PCM1: variants seen among roughly 807,000 people sequenced by gnomAD.
The protein encoded by PCM1 is pericentriolar material 1 protein.
A neutral mutation model predicts 241.9 loss-of-function variants in PCM1; 157 were observed. The observed-to-expected ratio is 0.65, with a 90% CI of 0.57 to 0.74. The LOEUF (loss-of-function observed/expected upper bound fraction) is 0.74. Ranked by LOEUF, PCM1 falls within the 30% of genes least tolerant of loss-of-function variation. The pLI is 0.00. For missense variants in PCM1, 3,478 were observed against 2,360.1 expected (o/e 1.47, Z -9.81); for synonymous variants, 1,085 against 784.9 (o/e 1.38, Z -6.39).
rs140132259 is a variant in PCM1, at chr8:18,004,531, T to A, written c.4828-1732T>A. 5.4e-3 allele frequency among the ~76,000 whole-genome samples: 830 copies of A among 152,334 alleles called. 7 individuals carry two copies. The highest frequency in any genetic ancestry group is 0.019 in the African/African-American group (772 of 41,586). ...TTTCATGAGGAAATGAAATAATAAA[T>A]ACTAATTTAGCATTTCAAAAAGTGT... On this transcript the variant is annotated intron_variant, in intron 29 of 38. Transcript: ENST00000325083.
intron 21 of PCM1, among the ~76,000 whole-genome samples, chr8:17,967,656 A>G (rs549600921): frequency 6.6e-5 from 10 of 152,364 alleles, no homozygotes; most frequent in Admixed American, 5.9e-4. Flanking sequence ...TGCTAATGAA[A>G]TTAAGTAAAC....
At chr8:18,013,867 A>C in intron 34 of PCM1, 97 bp from the exon 35 acceptor site, 1 of 688,154 alleles carries the variant, frequency 1.5e-6, no homozygotes, top group Non-Finnish European at 2.5e-6. Flanking sequence ...CTTTGTATGA[A>C]GGTCTTGGGT....
intron 29 of PCM1, among the ~76,000 whole-genome samples, chr8:18,000,530 C>G (rs954218813): frequency 2.0e-5 from 3 of 149,726 alleles, no homozygotes; most frequent in Non-Finnish European, 4.4e-5. Flanking sequence ...GGTAGAGTGT[C>G]GAGAGAGAGA....
At chr8:17,948,592 C>T (rs6990873) in intron 7 of PCM1, among the ~76,000 whole-genome samples, 5,564 of 152,056 alleles carry the variant, frequency 0.037, 160 homozygotes, top group African/African-American at 0.072. Context: ...CGTCAGCCAC[C>T]GTGCCTGGTC....
At chr8:17,998,018 A>C (rs966641177) in intron 29 of PCM1, among the ~76,000 whole-genome samples, 2 of 151,348 alleles carry the variant, frequency 1.3e-5, no homozygotes, top group African/African-American at 4.9e-5. Flanking sequence ...CCTGGGTGAC[A>C]GAGCAAGGCT....
rs1276744282 is a variant in PCM1 at position 17,938,844 on chromosome 8, T to C, written c.447T>C (p.Asn149=). 3 of 1,613,704 alleles carry C rather than the reference T, an allele frequency of 1.9e-6. No individual in the cohort carries two copies. Among genetic ancestry groups the C allele is most frequent in the Non-Finnish European group, 1.7e-6 (2 of 1,179,586 alleles). The part of the protein sequence containing the change: ...KPFNFLPMQI[N]TNKSKDASTN... The stretch of plus-strand genomic sequence containing the variant: ...TCAACTTTTTGCCTATGCAGATTAA[T>C]ACTAACAAGAGCAAAGATGCATCTA... Residue 149 remains asparagine, a synonymous_variant, in exon 5 of 39, where the codon AAT becomes AAC. Transcript: ENST00000325083.
At chr8:17,949,745 C>T (rs372601627) in intron 7 of PCM1, among the ~76,000 whole-genome samples, 1 of 152,132 alleles carries the variant, frequency 6.6e-6, no homozygotes, top group Non-Finnish European at 1.5e-5. Context: ...GATCTGCCCA[C>T]CTTGGCCTTC....
chr8:17,959,884 T>C, intron 13 of PCM1, 130 bp from the exon 14 acceptor site: 1 of 789,698 alleles, frequency 1.3e-6, no homozygotes, highest in Non-Finnish European at 2.0e-6. Flanking sequence ...TACACATGTA[T>C]ACAAACGTGC....
At chr8:17,970,086 C>T (rs2076331628) in intron 22 of PCM1, among the ~76,000 whole-genome samples, 1 of 152,050 alleles carries the variant, frequency 6.6e-6, no homozygotes, top group Admixed American at 6.6e-5. Context: ...AAGTGATGAT[C>T]CCTTTTTTTG....
intron 29 of PCM1, among the ~76,000 whole-genome samples, chr8:17,998,062 C>A (rs933527456): frequency 6.6e-6 from 1 of 151,628 alleles, no homozygotes; most frequent in Non-Finnish European, 1.5e-5. Flanking sequence ...ATTCTGAATT[C>A]CCTTCCTGTG....
At position 18,001,646 on chromosome 8, in the gene PCM1, A is replaced by G. The variant is rs185361776; in HGVS notation, c.4828-4617A>G. On this transcript the variant is annotated intron_variant, in intron 29 of 38. Transcript: ENST00000325083. ...AAAAGTAATTGTTTTCTTTTCATCT[A>G]GATATGGTAAACTACAAAATACATT... 3.9e-4 allele frequency among the ~76,000 whole-genome samples: 59 copies of G among 152,354 alleles called. 1 individual carries two copies. The East Asian group carries it at 9.8e-3, about 25-fold the overall frequency.
At chr8:17,945,469 A>G (rs924311895) in intron 6 of PCM1, among the ~76,000 whole-genome samples, 1 of 152,190 alleles carries the variant, frequency 6.6e-6, no homozygotes, top group Non-Finnish European at 1.5e-5. Context: ...GGCACTGACT[A>G]GGCACCTCTG....
chr8:17,931,403 T>G (rs948576072), intron 2 of PCM1, among the ~76,000 whole-genome samples: 2 of 152,080 alleles, frequency 1.3e-5, no homozygotes, highest in African/African-American at 4.8e-5. Context: ...ATTCTTCTGC[T>G]TCAGCCTCCT....
In PCM1 at chr8:18,018,809, CA is replaced by C. The variant is rs1256522998; in HGVS notation, c.5841+3982del. On this transcript the variant is annotated intron_variant, in intron 36 of 38. Transcript: ENST00000325083. Reference sequence around the variant, plus strand: ...CTGGCCACAGAGCCAGATTCCGTCTCAAAAAAAAAAAAATATGTATATATAT... The same window carrying C: ...CTGGCCACAGAGCCAGATTCCGTCTCAAAAAAAAAAAATATGTATATATAT... Among the ~76,000 whole-genome samples the C allele has an allele frequency of 6.2e-3, 538 of 86,414 alleles. 5 individuals carry two copies. Among genetic ancestry groups the C allele is most frequent in the African/African-American group, 0.02 (442 of 21,782 alleles). 56.7% of individuals were successfully genotyped at this position (86,414 alleles called of 152,430 possible).
At chr8:17,984,963 A>T (rs2082129100) in intron 24 of PCM1, among the ~76,000 whole-genome samples, 1 of 151,956 alleles carries the variant, frequency 6.6e-6, no homozygotes, top group Middle Eastern at 3.2e-3. Context: ...GATAATTAGT[A>T]GACTATACTG....
In PCM1 at chr8:17,972,554, A is replaced by G. The variant is rs750999332; in HGVS notation, c.3810A>G (p.Pro1270=). The G allele has an allele frequency of 1.2e-6, 2 of 1,613,764 alleles. No homozygotes were observed. The highest frequency in any genetic ancestry group is 2.2e-5 in the South Asian group (2 of 91,072). ...GCAGTATGCCTGATCCAGTAGATCCAACAACAGTGACTAAAACATTCAAGA... is the reference window on the plus strand; with the variant it reads ...GCAGTATGCCTGATCCAGTAGATCCGACAACAGTGACTAAAACATTCAAGA... ...SFSSMPDPVD[P]TTVTKTFKTR... is the part of the protein sequence containing the mutation. Residue 1270 remains proline, a synonymous_variant, in exon 23 of 39, where the codon CCA becomes CCG. Transcript: ENST00000325083.
chr8:17,923,977 C>T (rs1256852378), intron 1 of PCM1, among the ~76,000 whole-genome samples: 1 of 149,066 alleles, frequency 6.7e-6, no homozygotes. Flanking sequence ...CCCAGGAACT[C>T]GCCTGGTTTA....
chr8:18,021,377 C>T (rs926224565), intron 36 of PCM1, among the ~76,000 whole-genome samples: 22 of 152,316 alleles, frequency 1.4e-4, no homozygotes, highest in African/African-American at 5.1e-4. Flanking sequence ...ATTTCTGCCA[C>T]CTGCTAGACC....
chr8:18,018,877 TATACAC>T (rs1350603236), intron 36 of PCM1, among the ~76,000 whole-genome samples: 1,600 of 38,720 alleles, frequency 0.041, 48 homozygotes, highest in African/African-American at 0.089. Flanking sequence ...TATATATATA[TATACAC>T]ACACATATAC....
Sources: gnomAD v4.1 joint callset for allele counts (sites outside exome capture counted in the v4.1 genomes callset) on GRCh38, gnomAD v4.1.1 for gene constraint, MANE v1.5 for transcripts, NCBI Gene and HGNC (gene_info 2026-07-23, HGNC 2026-07-21) for gene names.